LRP8: variants seen among roughly 807,000 people sequenced by gnomAD.
The protein encoded by LRP8 is low-density lipoprotein receptor-related protein 8.
In LRP8, 46 loss-of-function variants were observed where a neutral mutation model predicts 111.6. The observed-to-expected ratio is 0.41, with a 90% CI of 0.33 to 0.53. The LOEUF (loss-of-function observed/expected upper bound fraction) is 0.53, where lower values mean the gene tolerates loss of function less well. Among genes scored for constraint, LRP8 ranks in the 20% least tolerant of loss-of-function variants. The pLI is 0.20. For missense variants in LRP8, 959 were observed against 1,297.4 expected, an observed-to-expected ratio of 0.74 and a Z score of 4.01; for synonymous variants, 464 against 511.2, an observed-to-expected ratio of 0.91 and a Z score of 1.24.
intron 2 of LRP8, among the ~76,000 whole-genome samples, chr1:53,302,071 G>A (rs1651013369): frequency 6.6e-6 from 1 of 152,136 alleles, no homozygotes; most frequent in Non-Finnish European, 1.5e-5. Context: ...TGGAGGGAGA[G>A]GAGGCAGGCC....
In LRP8 at chr1:53,258,475, A is replaced by C; in HGVS notation, c.2057-4T>G. 6.2e-7 allele frequency: 1 copy of C among 1,613,698 alleles called. No individual in the cohort carries two copies. The highest frequency in any genetic ancestry group is 8.5e-7 in the Non-Finnish European group (1 of 1,179,812). ...CTCAGCTCACAGGCATCTGGAGCTA[A>C]TGGCAGAGAGGGAGACAGCTGGGGC... is the stretch of plus-strand genomic sequence containing the variant. On this transcript the variant is annotated splice_region_variant and splice_polypyrimidine_tract_variant and intron_variant, in intron 13 of 18. Coordinates refer to ENST00000306052, the MANE Select transcript of LRP8 (RefSeq NM_004631.5).
Position 53,275,514 on chromosome 1 carries a change from G to A in LRP8, c.1006+117C>T. On this transcript the variant is annotated intron_variant, in intron 6 of 18. Coordinates refer to ENST00000306052, the MANE Select transcript of LRP8 (RefSeq NM_004631.5). This position sits in a 1 kb window ranked among gnomAD's most constrained non-coding sequence, Gnocchi z 4.4. The stretch of plus-strand genomic sequence containing the variant: ...TGATTTAGGGGCAAGTGATGCTCTG[G>A]GGGAAAATGCATCTTGGGGACCAAG... The A allele has an allele frequency of 7.3e-7, 1 of 1,377,930 alleles. No homozygotes were observed. The highest frequency in any genetic ancestry group is 1.3e-5 in the South Asian group (1 of 75,072). 85.4% of individuals were successfully genotyped at this position (1,377,930 alleles called of 1,614,324 possible).
rs1243156064 is a variant in LRP8 at position 53,327,893 on chromosome 1, C to T, written c.20G>A (p.Gly7Asp). 1.4e-6 allele frequency: 2 copies of T among 1,476,380 alleles called. No individual in the cohort carries two copies. The highest frequency in any genetic ancestry group is 1.8e-6 in the Non-Finnish European group (2 of 1,116,680). 91.5% of individuals were successfully genotyped at this position (1,476,380 alleles called of 1,614,324 possible). ...CAGCAGCGCCAGAAGCCGGAGAGGGCCCGGCTCGGGGAGGCCCATGGCGGG... is the reference window on the plus strand; with the variant it reads ...CAGCAGCGCCAGAAGCCGGAGAGGGTCCGGCTCGGGGAGGCCCATGGCGGG... The part of the protein sequence containing the change: MGLPEP[G>D]PLRLLALLLL... The change falls in exon 1 of 19, where the codon GGC becomes GAC. Residue 7 changes from glycine to aspartate, a missense_variant. Gly to Asp is a moderately conservative substitution (Grantham distance 94, BLOSUM62 -1). This residue lies in a region of LRP8 where 97 missense variants were observed against 107.5 expected (regional missense o/e 0.90). Transcript: ENST00000306052.
chr1:53,290,160 G>A (rs923591388), intron 2 of LRP8, among the ~76,000 whole-genome samples: 2 of 152,204 alleles, frequency 1.3e-5, no homozygotes, highest in Non-Finnish European at 2.9e-5. Context: ...TTTGTGGCAA[G>A]ATGAATGACG....
chr1:53,259,324 C>G (rs1646235942), intron 13 of LRP8, among the ~76,000 whole-genome samples: 1 of 152,168 alleles, frequency 6.6e-6, no homozygotes, highest in East Asian at 1.9e-4. Context: ...CTTGCCCAGG[C>G]TGGTCCCAAA....
chr1:53,266,657 A>G lies in LRP8; in HGVS notation c.1253-10T>C, dbSNP rs1489843910. 1.2e-6 allele frequency: 2 copies of G among 1,613,510 alleles called. No individual in the cohort carries two copies. Among genetic ancestry groups the G allele is most frequent in the Non-Finnish European group, 1.7e-6 (2 of 1,179,690 alleles). ...GATGGGCTCTTGCCAGCTGTCATGC[A>G]GGGAGGTTGAAAGAGAAAGAGTCAG... On this transcript the variant is annotated splice_polypyrimidine_tract_variant and intron_variant, in intron 8 of 18. Transcript: ENST00000306052. This position sits in a 1 kb window ranked among gnomAD's most constrained non-coding sequence, Gnocchi z 5.0.
At position 53,262,420 on chromosome 1, in the gene LRP8, C is replaced by G. The variant is rs749082965; in HGVS notation, c.1774+26G>C. ...TCAGGACAAGGCACTAGAATAGGCCCCCAACCCAGGAAAGGCAGGGCTCAC... is the reference window on the plus strand; with the variant it reads ...TCAGGACAAGGCACTAGAATAGGCCGCCAACCCAGGAAAGGCAGGGCTCAC... On this transcript the variant is annotated intron_variant, in intron 11 of 18. Transcript: ENST00000306052. This position sits in a 1 kb window ranked among gnomAD's most constrained non-coding sequence, Gnocchi z 4.8. 38 of 1,606,876 alleles carry G rather than the reference C, an allele frequency of 2.4e-5. No individual in the cohort carries two copies. Among genetic ancestry groups the G allele is most frequent in the Non-Finnish European group, 2.9e-5 (34 of 1,174,418 alleles).
In LRP8 at chr1:53,266,703, G is replaced by C; in HGVS notation, c.1253-56C>G. On this transcript the variant is annotated intron_variant, in intron 8 of 18. Coordinates refer to ENST00000306052, the MANE Select transcript of LRP8 (RefSeq NM_004631.5). This position sits in a 1 kb window ranked among gnomAD's most constrained non-coding sequence, Gnocchi z 5.0. ...GTCAGTGCAAGAGGCAGGGAGCCTG[G>C]AGACCAAGACTCTGCCACTGGCTTG... is the stretch of plus-strand genomic sequence containing the variant. 1 of 1,542,052 alleles carries C rather than the reference G, an allele frequency of 6.5e-7. No individual in the cohort carries two copies. The highest frequency in any genetic ancestry group is 8.9e-7 in the Non-Finnish European group (1 of 1,118,396).
chr1:53,248,408 AG>A (rs1466169378), intron 18 of LRP8, among the ~76,000 whole-genome samples: 1 of 152,252 alleles, frequency 6.6e-6, no homozygotes, highest in African/African-American at 2.4e-5. Flanking sequence ...AGAAATGGAC[AG>A]AGGAGAGACA....
intron 6 of LRP8, 122 bp from the exon 7 acceptor site, chr1:53,271,468 G>T: frequency 9.2e-7 from 1 of 1,090,428 alleles, no homozygotes; most frequent in Non-Finnish European, 1.3e-6. Flanking sequence ...AGGCAGGAGG[G>T]CTCCACAACC....
chr1:53,321,019 A>G (rs181043385), intron 2 of LRP8, among the ~76,000 whole-genome samples: 16 of 152,326 alleles, frequency 1.1e-4, no homozygotes, highest in South Asian at 2.1e-4. Flanking sequence ...TAGCCCTCCC[A>G]GGGTTGTGAG....
rs75560297 is a variant in LRP8, at chr1:53,254,135, C to T, written c.2503+982G>A. ...TAAGGGAGATAAAGCTCTGAATGGACAATCAGAATGCAAAGATACTGCTAC... is the reference window on the plus strand; with the variant it reads ...TAAGGGAGATAAAGCTCTGAATGGATAATCAGAATGCAAAGATACTGCTAC... On this transcript the variant is annotated intron_variant, in intron 16 of 18. Transcript: ENST00000306052. 7.2e-5 allele frequency among the ~76,000 whole-genome samples: 11 copies of T among 152,132 alleles called. No homozygotes were observed. In the East Asian group the frequency reaches 1.9e-3, roughly 27 times the overall value.
intron 2 of LRP8, among the ~76,000 whole-genome samples, chr1:53,313,715 T>TG (rs1370822215): frequency 6.6e-5 from 10 of 151,960 alleles, no homozygotes; most frequent in Admixed American, 5.9e-4. Context: ...AGGAGACGCC[T>TG]GGGGCTTGGG....
chr1:53,294,841 C>T lies in LRP8; in HGVS notation c.245-5152G>A, dbSNP rs1456172956. 6.6e-6 allele frequency among the ~76,000 whole-genome samples: 1 copy of T among 152,220 alleles called. No individual in the cohort carries two copies. The highest frequency in any genetic ancestry group is 1.5e-5 in the Non-Finnish European group (1 of 68,036). ...ATCCTTCCCTGAGACAGTATACATC[C>T]TTCCCATGCTGCTCCCCACCCACAC... On this transcript the variant is annotated intron_variant, in intron 2 of 18. Coordinates refer to ENST00000306052, the MANE Select transcript of LRP8 (RefSeq NM_004631.5). This position sits in a 1 kb window ranked among gnomAD's most constrained non-coding sequence, Gnocchi z 4.1.
chr1:53,271,052 G>T lies in LRP8; in HGVS notation c.1228C>A (p.Leu410Met). The T allele has an allele frequency of 6.2e-7, 1 of 1,614,050 alleles. No individual in the cohort carries two copies. Among genetic ancestry groups the T allele is most frequent in the Non-Finnish European group, 8.5e-7 (1 of 1,180,020 alleles). ...CCAGCAGCCTTGCAGTTCTTGGTCA[G>T]TAGGTCCATCTCGTAGCCAGGGTAG... ...ECYPGYEMDL[L>M]TKNCKAAAGK... The change falls in exon 8 of 19, where the codon CTG becomes ATG. Residue 410 changes from leucine to methionine, a missense_variant. Coordinates refer to ENST00000306052, the MANE Select transcript of LRP8 (RefSeq NM_004631.5).
chr1:53,298,053 C>T (rs188502589), intron 2 of LRP8, among the ~76,000 whole-genome samples: 25 of 152,264 alleles, frequency 1.6e-4, no homozygotes, highest in East Asian at 1.5e-3. Context: ...TTAGTGACCC[C>T]GTCACACGGA....
chr1:53,320,703 G>C (rs889798969), intron 2 of LRP8, among the ~76,000 whole-genome samples: 1 of 152,192 alleles, frequency 6.6e-6, no homozygotes, highest in Admixed American at 6.5e-5. Context: ...TGAGGGCTCT[G>C]CGGGGTCTCC....
chr1:53,321,265 T>C (rs1372389527), intron 2 of LRP8, among the ~76,000 whole-genome samples: 1 of 152,180 alleles, frequency 6.6e-6, no homozygotes, highest in Non-Finnish European at 1.5e-5. Context: ...AAGGCATCTC[T>C]GGAGGAAGTG....
At chr1:53,324,717 C>A (rs980837361) in intron 2 of LRP8, among the ~76,000 whole-genome samples, 6 of 152,218 alleles carry the variant, frequency 3.9e-5, no homozygotes, top group Non-Finnish European at 5.9e-5. Flanking sequence ...TCACTCAGCA[C>A]CCAGCTACTT....
Sources: gnomAD v4.1 joint callset for allele counts (sites outside exome capture counted in the v4.1 genomes callset) on GRCh38, gnomAD v4.1.1 for gene constraint, gnomAD v4.1.1 regional missense constraint, Gnocchi (gnomAD v3.1) non-coding constraint, MANE v1.5 for transcripts, NCBI Gene and HGNC (gene_info 2026-07-23, HGNC 2026-07-21) for gene names.